Variants in FRY observed in about 807,000 individuals in gnomAD.
FRY encodes the protein FRY microtubule binding protein, also known as protein furry homolog.
FRY carries 128 observed loss-of-function variants against 348.4 expected under a neutral mutation model. The observed-to-expected ratio is 0.37, with a 90% confidence interval of 0.32 to 0.43. FRY has a LOEUF of 0.43. Among genes scored for constraint, FRY ranks in the 20% least tolerant of loss-of-function variants. The pLI is 1.00. For synonymous variants in FRY, 1,370 were observed against 1,374.7 expected (o/e 1.00, Z 0.08); for missense variants, 2,736 against 3,695.2 (o/e 0.74, Z 6.73).
chr13:32,163,492 CAT>C (rs1454487588), intron 17 of FRY, among the ~76,000 whole-genome samples: 5 of 152,146 alleles, frequency 3.3e-5, no homozygotes, highest in African/African-American at 4.8e-5. Flanking sequence ...GATGACAAGA[CAT>C]GTGGTTAGAG....
At chr13:32,139,069 GATAAAA>G (rs1179994895) in intron 11 of FRY, among the ~76,000 whole-genome samples, 2 of 152,052 alleles carry the variant, frequency 1.3e-5, no homozygotes, top group Admixed American at 1.3e-4. Context: ...TCCTTGATAA[GATAAAA>G]ATGAAATAAA....
In FRY at chr13:32,131,063, G is replaced by A. The variant is rs111514488; in HGVS notation, c.717-609G>A. On this transcript the variant is annotated intron_variant, in intron 7 of 60. Coordinates refer to ENST00000542859, the MANE Select transcript of FRY (RefSeq NM_023037.3). ...ACTCCTGACCTCAGGTGATCTGCCC[G>A]CATCGGCCTCCCAAAGTGCTGGGAT... Among the ~76,000 whole-genome samples the A allele has an allele frequency of 4.6e-3, 703 of 152,166 alleles. 3 individuals carry two copies. The highest frequency in any genetic ancestry group is 0.016 in the African/African-American group (666 of 41,520).
intron 3 of FRY, among the ~76,000 whole-genome samples, chr13:32,103,445 G>T (rs1200398951): frequency 6.6e-6 from 1 of 152,210 alleles, no homozygotes; most frequent in African/African-American, 2.4e-5. Flanking sequence ...TCATAGGTAG[G>T]AATTGAACAA....
Position 32,240,428 on chromosome 13 carries a change from G to C in FRY, c.6687+547G>C, listed in dbSNP as rs144123413. Among the ~76,000 whole-genome samples the C allele has an allele frequency of 2.6e-5, 4 of 152,286 alleles. No individual in the cohort carries two copies. The East Asian group carries it at 5.8e-4, about 22-fold the overall frequency. Reference sequence around the variant, plus strand: ...TACCTTGTGGCTTGATATGTTTAATGGTTGTTTGATCTAATTATCAAAGCA... The same window carrying C: ...TACCTTGTGGCTTGATATGTTTAATCGTTGTTTGATCTAATTATCAAAGCA... On this transcript the variant is annotated intron_variant, in intron 46 of 60. Transcript: ENST00000542859.
In FRY at chr13:32,134,921, C is replaced by A. The variant is rs1267311048; in HGVS notation, c.903C>A (p.Phe301Leu). The change falls in exon 9 of 61, where the codon TTC becomes TTA. Residue 301 changes from phenylalanine to leucine, a missense_variant. Phe to Leu is a conservative substitution (Grantham distance 22). This residue lies in a region of FRY where 309 missense variants were observed against 418.1 expected (regional missense o/e 0.74). Coordinates refer to ENST00000542859, the MANE Select transcript of FRY (RefSeq NM_023037.3). ...LQFMQECAHY[F>L]LEVKDKDIKH... is the part of the protein sequence containing the mutation. ...CTTCCCAGGAATGTGCACATTACTT[C>A]CTCGAGGTCAAAGACAAAGATATCA... 1.2e-6 allele frequency: 2 copies of A among 1,609,756 alleles called. No individual in the cohort carries two copies. The highest frequency in any genetic ancestry group is 2.2e-5 in the South Asian group (2 of 91,000).
intron 28 of FRY, among the ~76,000 whole-genome samples, chr13:32,191,237 C>A (rs1185303308): frequency 6.6e-6 from 1 of 152,134 alleles, no homozygotes; most frequent in African/African-American, 2.4e-5. Context: ...AGAAGAATAT[C>A]TTCATCCCTG....
chr13:32,057,208 T>C (rs955853132), intron 1 of FRY, among the ~76,000 whole-genome samples: 1 of 152,100 alleles, frequency 6.6e-6, no homozygotes, highest in African/African-American at 2.4e-5. Flanking sequence ...TCTCACTCTG[T>C]CACCCAGGCT....
chr13:32,223,255 G>A (rs1885409704), intron 36 of FRY, among the ~76,000 whole-genome samples: 3 of 152,130 alleles, frequency 2.0e-5, no homozygotes, highest in Non-Finnish European at 2.9e-5. Flanking sequence ...ACCGCGACCA[G>A]GCCAAACTGT....
At chr13:32,242,558 G>A (rs2138475447) in intron 46 of FRY, among the ~76,000 whole-genome samples, 1 of 151,714 alleles carries the variant, frequency 6.6e-6, no homozygotes, top group Non-Finnish European at 1.5e-5. Flanking sequence ...TTTTGAGACA[G>A]AGTCTTGCTC....
rs968115109 is a variant in FRY at position 32,051,933 on chromosome 13, A to T, written c.70+20068A>T. ...TAGAGGAAGATTAAGATGTTTAAAA[A>T]TTTTTTCCCTAGTCAGTTTTATATT... On this transcript the variant is annotated intron_variant, in intron 1 of 60. Coordinates refer to ENST00000542859, the MANE Select transcript of FRY (RefSeq NM_023037.3). Among the ~76,000 whole-genome samples, 7 of 152,294 alleles carry T rather than the reference A, an allele frequency of 4.6e-5. No homozygotes were observed. In the East Asian group the frequency reaches 1.3e-3, roughly 29 times the overall value.
rs201468573 is a variant in FRY, at chr13:32,224,353, G to A, written c.4884G>A (p.Pro1628=). The A allele has an allele frequency of 2.2e-5, 35 of 1,614,038 alleles. No individual in the cohort carries two copies. Among genetic ancestry groups the A allele is most frequent in the African/African-American group, 1.9e-4 (14 of 75,010 alleles). Residue 1628 remains proline, a synonymous_variant, in exon 37 of 61, where the codon CCG becomes CCA. Transcript: ENST00000542859. ...GCWAPLVDYL[P]ETITPRGPLH... is the part of the protein sequence containing the mutation. Reference sequence around the variant, plus strand: ...GGGCCCCCCTGGTTGACTATCTCCCGGAGACCATCACTCCCCGGGGGCCAC... The same window carrying A: ...GGGCCCCCCTGGTTGACTATCTCCCAGAGACCATCACTCCCCGGGGGCCAC...
intron 58 of FRY, among the ~76,000 whole-genome samples, chr13:32,280,064 C>T (rs1321994485): frequency 6.6e-6 from 1 of 152,100 alleles, no homozygotes; most frequent in Non-Finnish European, 1.5e-5. Flanking sequence ...ACTTTCACAC[C>T]CCTTAAGTCA....
chr13:32,083,675 A>C (rs889004091), intron 2 of FRY, among the ~76,000 whole-genome samples: 1 of 152,128 alleles, frequency 6.6e-6, no homozygotes, highest in Non-Finnish European at 1.5e-5. Context: ...TGTATATCTC[A>C]AACTTGTAAG....
intron 15 of FRY, among the ~76,000 whole-genome samples, chr13:32,156,755 AG>A (rs551150733): frequency 1.6e-4 from 25 of 152,330 alleles, no homozygotes; most frequent in African/African-American, 5.5e-4. Context: ...TCAACACTGT[AG>A]TTAATGAGAA....
At chr13:32,096,991 A>G (rs1230534610) in intron 2 of FRY, among the ~76,000 whole-genome samples, 1 of 152,038 alleles carries the variant, frequency 6.6e-6, no homozygotes, top group East Asian at 1.9e-4. Flanking sequence ...GAGCCTGACA[A>G]TATGTTGTTT....
At chr13:32,093,771 G>C (rs1191705399) in intron 2 of FRY, among the ~76,000 whole-genome samples, 1 of 152,182 alleles carries the variant, frequency 6.6e-6, no homozygotes, top group African/African-American at 2.4e-5. Context: ...CATCTGGTCA[G>C]ACCTAAGGTC....
At chr13:32,240,083 TA>T (rs2138466169) in intron 46 of FRY, among the ~76,000 whole-genome samples, 1 of 152,304 alleles carries the variant, frequency 6.6e-6, no homozygotes, top group Admixed American at 6.5e-5. Flanking sequence ...ATTATTTGCA[TA>T]AAATTGATAA....
At chr13:32,131,542 C>G (rs1218787516) in intron 7 of FRY, 130 bp from the exon 8 acceptor site, 1 of 689,350 alleles carries the variant, frequency 1.5e-6, no homozygotes, top group African/African-American at 1.8e-5. Context: ...CTTACAAAAT[C>G]ATGGCTGTTG....
At chr13:32,217,102 A>G (rs1010411192) in intron 35 of FRY, among the ~76,000 whole-genome samples, 1 of 152,202 alleles carries the variant, frequency 6.6e-6, no homozygotes, top group East Asian at 1.9e-4. Flanking sequence ...AAGGACAGCA[A>G]TAGCCCTGCA....
Sources: gnomAD v4.1 joint callset for allele counts (sites outside exome capture counted in the v4.1 genomes callset) on GRCh38, gnomAD v4.1.1 for gene constraint, gnomAD v4.1.1 regional missense constraint, MANE v1.5 for transcripts, NCBI Gene and HGNC (gene_info 2026-07-23, HGNC 2026-07-21) for gene names.